The following CNN3 variants were observed in gnomAD, a reference collection of about 807,000 sequenced individuals.
CNN3 encodes calponin-3.
Under a neutral mutation model 39.0 loss-of-function variants are expected in CNN3, and 11 were observed. The observed-to-expected ratio is 0.28, with a 90% CI of 0.18 to 0.47. The LOEUF (loss-of-function observed/expected upper bound fraction) is 0.47. CNN3 is among the 20% of genes least tolerant of loss of function. The pLI is 0.99. For synonymous variants in CNN3, 101 were observed against 138.3 expected, an observed-to-expected ratio of 0.73 and a Z score of 1.89; for missense variants, 266 against 403.4, an observed-to-expected ratio of 0.66 and a Z score of 2.92.
intron 1 of CNN3, among the ~76,000 whole-genome samples, chr1:94,911,158 G>A (rs1671151823): frequency 6.6e-6 from 1 of 152,216 alleles, no homozygotes; most frequent in African/African-American, 2.4e-5. Context: ...GGACAGTGAT[G>A]TCAAGATAGA....
In CNN3 at chr1:94,898,009, C is replaced by A. The variant is rs145115019; in HGVS notation, c.723G>T (p.Ser241=). 2 of 1,613,916 alleles carry A rather than the reference C, an allele frequency of 1.2e-6. No individual in the cohort carries two copies. The highest frequency in any genetic ancestry group is 4.5e-5 in the East Asian group (2 of 44,896). ...TGGTACCCATCTGTAGGGAAATTGT[C>A]GAGTTGTCCACCGGCTGTAATGTTA... The part of the protein sequence containing the change: ...QKLTLQPVDN[S]TISLQMGTNK... The change falls in exon 7 of 7, where the codon TCG becomes TCT. Residue 241 remains serine (S), a synonymous_variant. Coordinates refer to ENST00000370206, the MANE Select transcript of CNN3 (RefSeq NM_001839.5).
chr1:94,898,541 T>C (rs769139758), intron 6 of CNN3, among the ~76,000 whole-genome samples: 12 of 152,172 alleles, frequency 7.9e-5, no homozygotes, highest in Non-Finnish European at 1.8e-4. Flanking sequence ...ACAGAAACTA[T>C]GTTGAGCAGA....
At position 94,901,672 on chromosome 1, in the gene CNN3, C is replaced by A. The variant is rs1228612994; in HGVS notation, c.498G>T (p.Leu166=). The change falls in exon 5 of 7, where the codon CTG becomes CTT. Residue 166 remains leucine, a synonymous_variant. Transcript: ENST00000370206. ...TAAGCAACACCACATTACTTACCTG[C>A]AGACCAATTACACTTTGGCCAGCTT... The part of the protein sequence containing the change: ...KLKAGQSVIG[L]QMGTNKCASQ... 2.5e-6 allele frequency: 4 copies of A among 1,608,648 alleles called. No individual in the cohort carries two copies. The African/African-American group carries it at 4.0e-5, about 16-fold the overall frequency.
chr1:94,922,412 T>G (rs1671470206), intron 1 of CNN3, among the ~76,000 whole-genome samples: 1 of 152,208 alleles, frequency 6.6e-6, no homozygotes, highest in African/African-American at 2.4e-5. Context: ...TCAACAAATA[T>G]TCAAATATTT....
In CNN3 at chr1:94,927,106, C is replaced by A; in HGVS notation, c.-212G>T. On this transcript the variant is annotated 5_prime_UTR_variant, in exon 1 of 7. Transcript: ENST00000370206. ...GCCTCGAGCTCCGCTGCGAAGCACC[C>A]GGCTGCCTCGCTCGCCGCCCGCACC... 2 of 477,380 alleles carry A rather than the reference C, an allele frequency of 4.2e-6. No homozygotes were observed. Among genetic ancestry groups the A allele is most frequent in the Non-Finnish European group, 7.3e-6 (2 of 273,388 alleles). The allele number at this position is 477,380 out of a possible 1,614,324, so 29.6% of individuals were successfully genotyped here. A position where few individuals can be genotyped will look rare whatever the true frequency, so the allele number is the denominator to read the frequency against.
At chr1:94,919,602 G>C (rs1671387292) in intron 1 of CNN3, among the ~76,000 whole-genome samples, 1 of 152,182 alleles carries the variant, frequency 6.6e-6, no homozygotes, top group Non-Finnish European at 1.5e-5. Context: ...AATGGAGAAA[G>C]ATCAGTGTCC....
intron 1 of CNN3, among the ~76,000 whole-genome samples, chr1:94,905,357 C>T (rs1670969390): frequency 1.3e-5 from 2 of 152,154 alleles, no homozygotes; most frequent in Non-Finnish European, 2.9e-5. Flanking sequence ...CATTCCAGGT[C>T]CCCCTCTTGA....
In CNN3 at chr1:94,926,963, T is replaced by C. The variant is rs1671603163; in HGVS notation, c.-69A>G. On this transcript the variant is annotated 5_prime_UTR_variant, in exon 1 of 7. Transcript: ENST00000370206. This position sits in a 1 kb window ranked among gnomAD's most constrained non-coding sequence, Gnocchi z 4.2. The stretch of plus-strand genomic sequence containing the variant: ...CTCTCGCACTTCGCTTCCCCGCTCC[T>C]GGCCCCGAGGAGTGGCCGCCGCGGG... The C allele has an allele frequency of 2.6e-6, 4 of 1,544,856 alleles. No homozygotes were observed. The African/African-American group carries it at 4.2e-5, about 16-fold the overall frequency.
At chr1:94,924,625 A>C (rs1308220585) in intron 1 of CNN3, among the ~76,000 whole-genome samples, 1 of 152,200 alleles carries the variant, frequency 6.6e-6, no homozygotes, top group Non-Finnish European at 1.5e-5. Context: ...TCCGTCTCAA[A>C]AAAGAAAGAA....
chr1:94,901,337 G>C (rs1670858443), intron 5 of CNN3, among the ~76,000 whole-genome samples: 1 of 147,190 alleles, frequency 6.8e-6, no homozygotes, highest in Non-Finnish European at 1.5e-5. Context: ...CTGGGCAAAA[G>C]AGTGAGACTC....
Position 94,899,334 on chromosome 1 carries a change from G to A in CNN3, c.648+37C>T. The A allele has an allele frequency of 2.5e-6, 4 of 1,583,896 alleles. No individual in the cohort carries two copies. The South Asian group carries it at 4.7e-5, about 18-fold the overall frequency. On this transcript the variant is annotated intron_variant, in intron 6 of 6. Coordinates refer to ENST00000370206, the MANE Select transcript of CNN3 (RefSeq NM_001839.5). ...CTTCTGGTTAATAAAAATAAGGTAA[G>A]TGTACTCTTGTACACGTATAAAAAG...
chr1:94,920,386 GAAT>G (rs1351789445), intron 1 of CNN3, among the ~76,000 whole-genome samples: 1 of 152,140 alleles, frequency 6.6e-6, no homozygotes, highest in African/African-American at 2.4e-5. Context: ...ATTCGTGAAT[GAAT>G]ATTAAAGTTC....
intron 5 of CNN3, 43 bp downstream of exon 5, chr1:94,901,626 C>G: frequency 2.3e-6 from 3 of 1,326,006 alleles, no homozygotes; most frequent in Non-Finnish European, 3.3e-6. Flanking sequence ...GAGAATTAAT[C>G]ATATTGAATA....
chr1:94,902,993 T>G, intron 3 of CNN3, 129 bp downstream of exon 3: 1 of 612,790 alleles, frequency 1.6e-6, no homozygotes, highest in Non-Finnish European at 2.6e-6. Context: ...CTACAATGTC[T>G]ATGTAAAAAC....
At chr1:94,900,292 G>A (rs1025992574) in intron 5 of CNN3, among the ~76,000 whole-genome samples, 2 of 152,104 alleles carry the variant, frequency 1.3e-5, no homozygotes, top group Admixed American at 6.6e-5. Context: ...AAGCAAAAAG[G>A]AGGGGGGAAA....
chr1:94,923,751 T>C (rs1291608064), intron 1 of CNN3, among the ~76,000 whole-genome samples: 1 of 152,176 alleles, frequency 6.6e-6, no homozygotes, highest in Non-Finnish European at 1.5e-5. Context: ...GGCAGGGACA[T>C]ACAAATCTTA....
At chr1:94,907,653 G>C (rs533673819) in intron 1 of CNN3, among the ~76,000 whole-genome samples, 2 of 152,214 alleles carry the variant, frequency 1.3e-5, no homozygotes, top group South Asian at 2.1e-4. Flanking sequence ...GAGGTCAGGA[G>C]ATCAAGACCA....
At chr1:94,918,011 G>A (rs1571532890) in intron 1 of CNN3, among the ~76,000 whole-genome samples, 1 of 152,164 alleles carries the variant, frequency 6.6e-6, no homozygotes. Context: ...AAAGCTGAGA[G>A]ACAGGAACTC....
At chr1:94,899,328 AG>A in intron 6 of CNN3, 42 bp downstream of exon 6, 2 of 1,551,310 alleles carry the variant, frequency 1.3e-6, no homozygotes, top group Non-Finnish European at 1.7e-6. Flanking sequence ...AATAAAAATA[AG>A]GTAAGTGTAC....
Sources: allele counts gnomAD v4.1 joint callset (sites outside exome capture counted in the v4.1 genomes callset), GRCh38; gene constraint gnomAD v4.1.1; non-coding constraint Gnocchi (gnomAD v3.1); transcripts MANE v1.5; gene names NCBI Gene and HGNC (gene_info 2026-07-23, HGNC 2026-07-21).